MTHFD1: variants seen among roughly 807,000 people sequenced by gnomAD.
The protein encoded by MTHFD1 is C-1-tetrahydrofolate synthase, cytoplasmic.
A neutral mutation model predicts 110.3 loss-of-function variants in MTHFD1; 44 were observed. The ratio of observed to expected loss-of-function variants is 0.40; its 90% CI spans 0.31 to 0.51. The LOEUF (loss-of-function observed/expected upper bound fraction) is 0.51, where lower values mean the gene tolerates loss of function less well. Ranked by LOEUF, MTHFD1 falls within the 20% of genes least tolerant of loss-of-function variation. The pLI, the probability that MTHFD1 is intolerant of heterozygous loss-of-function variation, is 0.60. For missense variants in MTHFD1, 909 were observed against 1,173.1 expected (o/e 0.77, Z 3.29); for synonymous variants, 402 against 428.8 (o/e 0.94, Z 0.77).
At chr14:64,458,605 T>C (rs1405611187) in intron 27 of MTHFD1, 3 of 431,960 alleles carry the variant, frequency 6.9e-6, no homozygotes, top group Non-Finnish European at 1.3e-5. Context: ...GAGGTTAGAC[T>C]CCCTCTGCTG....
In MTHFD1 at chr14:64,453,854, C is replaced by T. The variant is rs201204855; in HGVS notation, c.2558C>T (p.Thr853Met). 4.0e-5 allele frequency: 64 copies of T among 1,593,934 alleles called. No homozygotes were observed. The highest frequency in any genetic ancestry group is 5.3e-5 in the Non-Finnish European group (61 of 1,161,802). The change falls in exon 25 of 28, where the codon ACG becomes ATG. Residue 853 changes from threonine to methionine, a missense_variant. Transcript: ENST00000652337. ...GCTCAACACAAAGCTGAAGTCTACACGAAGCAGGTAGATGTTTGGTTAGTT... is the reference window on the plus strand; with the variant it reads ...GCTCAACACAAAGCTGAAGTCTACATGAAGCAGGTAGATGTTTGGTTAGTT... ...PEAQHKAEVYTKQGFGNLPIC... is the reference protein window; with the variant it reads ...PEAQHKAEVYMKQGFGNLPIC...
intron 7 of MTHFD1, among the ~76,000 whole-genome samples, 187 bp from the exon 8 acceptor site, chr14:64,419,627 G>A (rs974767015): frequency 2.0e-5 from 3 of 152,194 alleles, no homozygotes; most frequent in Non-Finnish European, 4.4e-5. Flanking sequence ...AAATGAGCAC[G>A]GCATGTGAAG....
intron 1 of MTHFD1, among the ~76,000 whole-genome samples, chr14:64,391,787 C>G (rs997858206): frequency 3.3e-5 from 5 of 152,194 alleles, no homozygotes; most frequent in African/African-American, 9.6e-5. Flanking sequence ...AGACAAGTAT[C>G]TGTTCTTTGT....
At chr14:64,425,506 C>T (rs2078111901) in intron 9 of MTHFD1, among the ~76,000 whole-genome samples, 2 of 152,230 alleles carry the variant, frequency 1.3e-5, no homozygotes, top group East Asian at 1.9e-4. Context: ...CCACCGTGCC[C>T]GGCCTGTTTT....
intron 19 of MTHFD1, chr14:64,441,764 C>G: frequency 1.8e-6 from 1 of 554,164 alleles, no homozygotes; most frequent in African/African-American, 1.9e-5. Flanking sequence ...GATCACGCCA[C>G]TGCACTCCAG....
intron 8 of MTHFD1, among the ~76,000 whole-genome samples, chr14:64,421,064 T>C (rs1166567661): frequency 1.3e-5 from 2 of 152,180 alleles, no homozygotes; most frequent in Non-Finnish European, 2.9e-5. Flanking sequence ...CAACTTCACC[T>C]TCACCTTCAG....
chr14:64,443,744 C>T (rs2078266383), intron 21 of MTHFD1, among the ~76,000 whole-genome samples: 2 of 152,176 alleles, frequency 1.3e-5, no homozygotes, highest in African/African-American at 4.8e-5. Context: ...CTCTTACACC[C>T]CTCACTCACC....
intron 25 of MTHFD1, 65 bp from the exon 26 acceptor site, chr14:64,454,658 C>T: frequency 2.3e-6 from 3 of 1,324,592 alleles, no homozygotes; most frequent in Non-Finnish European, 3.3e-6. Context: ...ATCACAGGGC[C>T]CAGATGGTCA....
intron 23 of MTHFD1, chr14:64,448,533 TTTTCC>T: frequency 1.8e-6 from 1 of 566,286 alleles, no homozygotes; most frequent in Non-Finnish European, 3.2e-6. Flanking sequence ...CTATGGGCCC[TTTTCC>T]TTTCCACTGG....
intron 1 of MTHFD1, 149 bp from the exon 2 acceptor site, chr14:64,400,644 T>C: frequency 1.5e-6 from 1 of 666,818 alleles, no homozygotes; most frequent in East Asian, 2.9e-5. Flanking sequence ...GCTTTGATTG[T>C]GCCACTGTAC....
chr14:64,406,102 G>A (rs1265785297), intron 2 of MTHFD1, among the ~76,000 whole-genome samples: 3 of 150,806 alleles, frequency 2.0e-5, no homozygotes, highest in East Asian at 1.9e-4. Context: ...GCAATGGCAC[G>A]ATCTCGGCGC....
At position 64,422,064 on chromosome 14, in the gene MTHFD1, C is replaced by T. The variant is rs2078079021; in HGVS notation, c.727+2139C>T. 2.6e-5 allele frequency among the ~76,000 whole-genome samples: 4 copies of T among 151,966 alleles called. No homozygotes were observed. The South Asian group carries it at 8.3e-4, about 31-fold the overall frequency. ...GTTGCAGATAGGTAGGAAATGTTGA[C>T]TTAAACATGAAACTTGCCATCCTTT... On this transcript the variant is annotated intron_variant, in intron 8 of 27. Transcript: ENST00000652337.
chr14:64,453,346 C>T (rs1053627206), intron 24 of MTHFD1, among the ~76,000 whole-genome samples: 7 of 151,982 alleles, frequency 4.6e-5, no homozygotes. Context: ...CCAAGGCTGG[C>T]AGATCACCTG....
At chr14:64,400,932 A>G in intron 2 of MTHFD1, 55 bp downstream of exon 2, 3 of 1,249,818 alleles carry the variant, frequency 2.4e-6, no homozygotes, top group South Asian at 2.5e-5. Context: ...TCTCAGTATC[A>G]TTTCAGACCT....
chr14:64,420,199 G>T (rs377238837), intron 8 of MTHFD1, among the ~76,000 whole-genome samples: 12 of 152,196 alleles, frequency 7.9e-5, no homozygotes, highest in African/African-American at 2.6e-4. Flanking sequence ...GGGCAGGAGG[G>T]ATATATCACT....
At chr14:64,431,741 A>G (rs60806768) in intron 14 of MTHFD1, 46 bp from the exon 15 acceptor site, 50,148 of 1,601,260 alleles carry the variant, frequency 0.031, 1,477 homozygotes, top group African/African-American at 0.16. Flanking sequence ...CAGGTAGCAA[A>G]GCAGTGGGGC....
chr14:64,428,346 C>T (rs1309975423), intron 12 of MTHFD1, among the ~76,000 whole-genome samples: 1 of 151,480 alleles, frequency 6.6e-6, no homozygotes, highest in African/African-American at 2.4e-5. Flanking sequence ...GAACTTCTGA[C>T]CTCAAGTGAT....
intron 1 of MTHFD1, among the ~76,000 whole-genome samples, chr14:64,399,558 C>T (rs2077880604): frequency 6.7e-6 from 1 of 150,112 alleles, no homozygotes; most frequent in African/African-American, 2.5e-5. Flanking sequence ...ACTCAGGAGA[C>T]TGAGGCAGCA....
At chr14:64,404,990 T>C (rs2077926133) in intron 2 of MTHFD1, among the ~76,000 whole-genome samples, 1 of 151,906 alleles carries the variant, frequency 6.6e-6, no homozygotes, top group Non-Finnish European at 1.5e-5. Context: ...AAGTGAATAG[T>C]ACTTAAATAT....
Sources: gnomAD v4.1 joint callset for allele counts (sites outside exome capture counted in the v4.1 genomes callset) on GRCh38, gnomAD v4.1.1 for gene constraint, MANE v1.5 for transcripts, NCBI Gene and HGNC (gene_info 2026-07-23, HGNC 2026-07-21) for gene names.